CSMD1: variants seen among roughly 807,000 people sequenced by gnomAD.
CSMD1 encodes the protein CUB and sushi domain-containing protein 1.
A neutral mutation model predicts 417.5 loss-of-function variants in CSMD1; 213 were observed. The ratio of observed to expected loss-of-function variants is 0.51; its 90% confidence interval spans 0.46 to 0.57. The LOEUF (loss-of-function observed/expected upper bound fraction) is 0.57. Ranked by LOEUF, CSMD1 falls within the 20% of genes least tolerant of loss-of-function variation. CSMD1 has a pLI of 0.00. For missense variants in CSMD1, 6,923 were observed against 4,529.7 expected, an observed-to-expected ratio of 1.53 and a Z score of -15.17; for synonymous variants, 2,862 against 1,736.8, an observed-to-expected ratio of 1.65 and a Z score of -16.11.
At chr8:3,450,407 C>G (rs1448843861) in intron 12 of CSMD1, among the ~76,000 whole-genome samples, 1 of 151,938 alleles carries the variant, frequency 6.6e-6, no homozygotes, top group East Asian at 1.9e-4. Flanking sequence ...GTGTGCTGCA[C>G]CCATTAACTC....
intron 1 of CSMD1, among the ~76,000 whole-genome samples, chr8:4,940,880 G>A (rs1472656846): frequency 1.3e-5 from 2 of 152,170 alleles, no homozygotes; most frequent in South Asian, 2.1e-4. Flanking sequence ...TTTTCTTCAG[G>A]TAATTTTATC....
At chr8:4,508,334 A>G (rs1407669932) in intron 2 of CSMD1, among the ~76,000 whole-genome samples, 3 of 152,134 alleles carry the variant, frequency 2.0e-5, no homozygotes, top group African/African-American at 7.2e-5. Context: ...AGAAAACTAC[A>G]GGATTGTATA....
chr8:3,222,459 A>C (rs1370393338), intron 28 of CSMD1, among the ~76,000 whole-genome samples: 1 of 152,006 alleles, frequency 6.6e-6, no homozygotes, highest in Admixed American at 6.6e-5. Context: ...AGAGGAATAC[A>C]CAAGCACACC....
chr8:4,982,484 T>A (rs1056080238), intron 1 of CSMD1, among the ~76,000 whole-genome samples: 2 of 152,200 alleles, frequency 1.3e-5, no homozygotes, highest in African/African-American at 2.4e-5. Flanking sequence ...GAACGGGTAT[T>A]GTCATTAAAG....
In CSMD1 at chr8:3,142,067, G is replaced by A. The variant is rs542158449; in HGVS notation, c.6241+398C>T. Among the ~76,000 whole-genome samples, 1,290 of 152,270 alleles carry A rather than the reference G, an allele frequency of 8.5e-3. 12 individuals are homozygous for A. Among genetic ancestry groups the A allele is most frequent in the African/African-American group, 0.028 (1,184 of 41,546 alleles). Reference sequence around the variant, plus strand: ...CCGCCTCGGCCTTCCAAAGTGCTGGGATTACAGGCGTGAGCCACCGCGCCC... The same window carrying A: ...CCGCCTCGGCCTTCCAAAGTGCTGGAATTACAGGCGTGAGCCACCGCGCCC... On this transcript the variant is annotated intron_variant, in intron 41 of 69. Transcript: ENST00000635120.
chr8:4,824,678 C>T (rs975590183), intron 1 of CSMD1, among the ~76,000 whole-genome samples: 2 of 152,250 alleles, frequency 1.3e-5, no homozygotes, highest in Non-Finnish European at 2.9e-5. Context: ...ACAATTTTTG[C>T]GTACACATTT....
At chr8:3,372,125 T>C (rs62503469) in intron 18 of CSMD1, among the ~76,000 whole-genome samples, 37,616 of 151,934 alleles carry the variant, frequency 0.25, 4,749 homozygotes, top group East Asian at 0.33. Context: ...GAAAAAGGGA[T>C]GGGATAGTGT....
chr8:4,757,273 G>T (rs78085718), intron 1 of CSMD1, among the ~76,000 whole-genome samples: 2,619 of 152,238 alleles, frequency 0.017, 71 homozygotes, highest in African/African-American at 0.059. Context: ...TTTGCAAAAT[G>T]ATAATGGAAA....
intron 2 of CSMD1, among the ~76,000 whole-genome samples, chr8:4,595,808 C>T (rs778592979): frequency 1.3e-5 from 2 of 152,220 alleles, no homozygotes; most frequent in African/African-American, 2.4e-5. Context: ...ACCTTTTTCT[C>T]TCTTTCAGAG....
intron 3 of CSMD1, among the ~76,000 whole-genome samples, chr8:4,187,817 A>C (rs1427592878): frequency 6.6e-6 from 1 of 152,098 alleles, no homozygotes; most frequent in African/African-American, 2.4e-5. Flanking sequence ...TTCCAAAATC[A>C]CAGTTTCAGA....
chr8:2,959,182 T>C (rs1803260165), intron 62 of CSMD1, among the ~76,000 whole-genome samples: 1 of 152,228 alleles, frequency 6.6e-6, no homozygotes, highest in Admixed American at 6.5e-5. Flanking sequence ...CATAGCTCAT[T>C]GCATCCTTGA....
intron 12 of CSMD1, among the ~76,000 whole-genome samples, chr8:3,455,011 C>G (rs929196322): frequency 6.6e-6 from 1 of 152,132 alleles, no homozygotes; most frequent in Non-Finnish European, 1.5e-5. Context: ...TTGTTTGTTT[C>G]TTTTTATTCT....
chr8:4,241,519 G>T (rs1802399404), intron 3 of CSMD1, among the ~76,000 whole-genome samples: 1 of 152,176 alleles, frequency 6.6e-6, no homozygotes, highest in Non-Finnish European at 1.5e-5. Flanking sequence ...CCCCAGGAGG[G>T]CAGGGTCTCT....
chr8:4,492,677 G>A (rs531243421), intron 2 of CSMD1, among the ~76,000 whole-genome samples: 1 of 152,148 alleles, frequency 6.6e-6, no homozygotes, highest in Non-Finnish European at 1.5e-5. Context: ...ACAACTGAAG[G>A]TAAAAGGATT....
intron 3 of CSMD1, among the ~76,000 whole-genome samples, chr8:4,196,186 G>A (rs1023490250): frequency 1.3e-5 from 2 of 152,124 alleles, no homozygotes; most frequent in African/African-American, 2.4e-5. Context: ...ACTCCAGCCT[G>A]GGCGACGGAG....
chr8:4,297,433 G>A (rs1797747626), intron 3 of CSMD1, among the ~76,000 whole-genome samples: 4 of 152,100 alleles, frequency 2.6e-5, no homozygotes, highest in Admixed American at 2.0e-4. Context: ...CGGTATTAAG[G>A]AAAAACAGAC....
intron 3 of CSMD1, among the ~76,000 whole-genome samples, chr8:4,084,584 C>A (rs1363151777): frequency 6.6e-6 from 1 of 152,020 alleles, no homozygotes; most frequent in South Asian, 2.1e-4. Context: ...CTTAATCAAC[C>A]TTGTTGGGAG....
chr8:4,987,495 T>C (rs1811240972), intron 1 of CSMD1, among the ~76,000 whole-genome samples: 1 of 152,240 alleles, frequency 6.6e-6, no homozygotes, highest in African/African-American at 2.4e-5. Context: ...TAGTTATCTC[T>C]ATCATATCCA....
chr8:4,790,131 T>G (rs1384953761), intron 1 of CSMD1, among the ~76,000 whole-genome samples: 1 of 152,140 alleles, frequency 6.6e-6, no homozygotes, highest in Non-Finnish European at 1.5e-5. Flanking sequence ...AATATTCAGT[T>G]CCTTTGGACA....
Sources: allele counts gnomAD v4.1 joint callset (sites outside exome capture counted in the v4.1 genomes callset), GRCh38; gene constraint gnomAD v4.1.1; transcripts MANE v1.5; gene names NCBI Gene and HGNC (gene_info 2026-07-23, HGNC 2026-07-21).